RBFOX1: variants seen among roughly 807,000 people sequenced by gnomAD.
RBFOX1 encodes RNA binding fox-1 homolog 1.
A neutral mutation model predicts 57.7 loss-of-function variants in RBFOX1; 8 were observed. That is an observed-to-expected ratio of 0.14 (90% CI 0.08 to 0.25). The LOEUF (loss-of-function observed/expected upper bound fraction) is 0.25. Ranked by LOEUF, RBFOX1 falls within the 10% of genes least tolerant of loss-of-function variation. RBFOX1 has a pLI of 1.00. For missense variants in RBFOX1, 611 were observed against 548.5 expected (o/e 1.11, Z -1.14); for synonymous variants, 326 against 222.4 (o/e 1.47, Z -4.15).
intron 3 of RBFOX1, among the ~76,000 whole-genome samples, chr16:6,817,590 C>T (rs1896465388): frequency 6.7e-6 from 1 of 149,446 alleles, no homozygotes; most frequent in African/African-American, 2.5e-5. Context: ...CGTGTAATTG[C>T]AGCTACTCGG....
At chr16:7,372,149 A>G (rs2097577832) in intron 4 of RBFOX1, among the ~76,000 whole-genome samples, 1 of 152,174 alleles carries the variant, frequency 6.6e-6, no homozygotes, top group African/African-American at 2.4e-5. Context: ...GATGTGATTC[A>G]AAACTTACCT....
chr16:7,556,428 C>G (rs1156599234), intron 5 of RBFOX1, among the ~76,000 whole-genome samples: 1 of 152,112 alleles, frequency 6.6e-6, no homozygotes, highest in Admixed American at 6.6e-5. Flanking sequence ...TGATGGTACC[C>G]AAGATAAATG....
chr16:5,545,817 G>T (rs2045174318), intron 2 of RBFOX1, among the ~76,000 whole-genome samples: 1 of 152,116 alleles, frequency 6.6e-6, no homozygotes, highest in Admixed American at 6.6e-5. Flanking sequence ...TCACACTGTA[G>T]TGGAATAAGT....
At chr16:6,658,792 T>G (rs1603144279) in intron 3 of RBFOX1, among the ~76,000 whole-genome samples, 1 of 152,118 alleles carries the variant, frequency 6.6e-6, no homozygotes, top group African/African-American at 2.4e-5. Flanking sequence ...CCCCTATGAA[T>G]GTACCTGCTT....
At chr16:6,025,959 C>G (rs1003601546) in intron 1 of RBFOX1, among the ~76,000 whole-genome samples, 2 of 152,140 alleles carry the variant, frequency 1.3e-5, no homozygotes, top group African/African-American at 4.8e-5. Flanking sequence ...ACAAGCTGAG[C>G]CAAGCACTGT....
intron 4 of RBFOX1, among the ~76,000 whole-genome samples, chr16:7,147,846 T>A (rs997546204): frequency 6.6e-6 from 1 of 152,338 alleles, no homozygotes; most frequent in African/African-American, 2.4e-5. Context: ...GTCATGGGAT[T>A]GCTGGGTTGA....
intron 1 of RBFOX1, among the ~76,000 whole-genome samples, chr16:5,411,839 C>A (rs1010215548): frequency 6.6e-6 from 1 of 152,080 alleles, no homozygotes. Context: ...ACTCTGATTG[C>A]ACCACTGCAC....
intron 4 of RBFOX1, among the ~76,000 whole-genome samples, chr16:7,324,462 A>T (rs1044223345): frequency 2.6e-5 from 4 of 152,150 alleles, no homozygotes; most frequent in African/African-American, 9.7e-5. Flanking sequence ...GAGAGGCCTC[A>T]GGGGGTATTT....
In RBFOX1 at chr16:7,699,836, C is replaced by T. The variant is rs530629528; in HGVS notation, c.996-9220C>T. Among the ~76,000 whole-genome samples the T allele has an allele frequency of 1.1e-4, 17 of 152,200 alleles. No individual in the cohort carries two copies. In the South Asian group the frequency reaches 1.9e-3, roughly 17 times the overall value. ...TTCTCTCAATCCCATTTTAGAACCA[C>T]ATTTTTCATTTGGCTCAAATGAATA... On this transcript the variant is annotated intron_variant, in intron 14 of 15. Transcript: ENST00000550418.
intron 3 of RBFOX1, among the ~76,000 whole-genome samples, chr16:7,026,520 C>G (rs2040990441): frequency 1.3e-5 from 2 of 152,184 alleles, no homozygotes; most frequent in South Asian, 2.1e-4. Flanking sequence ...GTTTCTATCT[C>G]TCTCACACAC....
At chr16:6,301,799 C>G (rs994400013) in intron 1 of RBFOX1, among the ~76,000 whole-genome samples, 49 of 152,146 alleles carry the variant, frequency 3.2e-4, no homozygotes, top group African/African-American at 1.1e-3. Context: ...TGAGGCTTTA[C>G]CTATTAAAAG....
intron 2 of RBFOX1, among the ~76,000 whole-genome samples, chr16:5,524,731 G>T (rs7195108): frequency 0.29 from 43,415 of 151,846 alleles, 6,926 homozygotes; most frequent in Non-Finnish European, 0.36. Flanking sequence ...AGTAGAGACA[G>T]GGTTTCACCG....
chr16:6,400,835 C>G (rs2093040173), intron 2 of RBFOX1, among the ~76,000 whole-genome samples: 1 of 152,142 alleles, frequency 6.6e-6, no homozygotes, highest in Admixed American at 6.6e-5. Context: ...GCAGAGGTTG[C>G]AGTGAGCTGA....
intron 3 of RBFOX1, among the ~76,000 whole-genome samples, chr16:5,829,683 C>T (rs528232874): frequency 1.2e-4 from 16 of 132,068 alleles, no homozygotes; most frequent in African/African-American, 3.9e-4. Flanking sequence ...CAGGCATTGA[C>T]GCAAGAGAAC....
At chr16:7,205,464 G>C (rs545574918) in intron 4 of RBFOX1, among the ~76,000 whole-genome samples, 1 of 149,816 alleles carries the variant, frequency 6.7e-6, no homozygotes, top group Admixed American at 6.7e-5. Context: ...GTTGAAGTGA[G>C]ATCATGCCAT....
At chr16:5,363,367 G>A (rs891260021) in intron 1 of RBFOX1, among the ~76,000 whole-genome samples, 1 of 152,178 alleles carries the variant, frequency 6.6e-6, no homozygotes, top group Non-Finnish European at 1.5e-5. Context: ...ATATTTGGAA[G>A]TGGGATTGCA....
chr16:7,416,791 T>C (rs2098482174), intron 4 of RBFOX1, among the ~76,000 whole-genome samples: 1 of 152,162 alleles, frequency 6.6e-6, no homozygotes, highest in African/African-American at 2.4e-5. Context: ...ATGACGATAG[T>C]GAGTAGATAT....
chr16:6,755,426 T>G (rs1000509020), intron 3 of RBFOX1, among the ~76,000 whole-genome samples: 3 of 152,174 alleles, frequency 2.0e-5, no homozygotes, highest in Non-Finnish European at 2.9e-5. Flanking sequence ...CTCATTGTGG[T>G]TTTGATTTGC....
chr16:5,463,750 A>G (rs1001114113), intron 1 of RBFOX1, among the ~76,000 whole-genome samples: 3 of 151,746 alleles, frequency 2.0e-5, no homozygotes, highest in Admixed American at 2.0e-4. Context: ...CAGTAAGTCA[A>G]GATTGCACCA....
Sources: gnomAD v4.1 joint callset for allele counts (sites outside exome capture counted in the v4.1 genomes callset) on GRCh38, gnomAD v4.1.1 for gene constraint, MANE v1.5 for transcripts, NCBI Gene and HGNC (gene_info 2026-07-23, HGNC 2026-07-21) for gene names.